Variants in ARB2A observed in about 807,000 individuals in gnomAD.
The protein encoded by ARB2A is ARB2 cotranscriptional regulator A.
chr5:94,039,567 TGGGCA>T, the ARB2A span, among the ~76,000 whole-genome samples: 1 of 152,174 alleles, frequency 6.6e-6, no homozygotes, highest in Non-Finnish European at 1.5e-5. Flanking sequence ...ACCATAAAAA[TGGGCA>T]ACCAGCAGCC....
the ARB2A span, chr5:93,958,985 T>A: frequency 4.7e-6 from 7 of 1,500,590 alleles, no homozygotes; most frequent in Non-Finnish European, 6.3e-6. Context: ...TTAAATAAAA[T>A]TAAATAATAA....
the ARB2A span, among the ~76,000 whole-genome samples, chr5:93,761,323 C>G: frequency 6.6e-6 from 1 of 152,160 alleles, no homozygotes; most frequent in African/African-American, 2.4e-5. Context: ...AAAGGGGTGA[C>G]AGACGGCACC....
At chr5:93,753,647 C>T in the ARB2A span, among the ~76,000 whole-genome samples, 2 of 152,116 alleles carry the variant, frequency 1.3e-5, no homozygotes, top group African/African-American at 2.4e-5. Flanking sequence ...CTTTTCCTTT[C>T]TTCTTTTTAA....
chr5:94,100,002 C>G, the ARB2A span, among the ~76,000 whole-genome samples: 1 of 152,128 alleles, frequency 6.6e-6, no homozygotes, highest in Non-Finnish European at 1.5e-5. Context: ...GTCAAATTAC[C>G]TATTTGCAGA....
At chr5:94,084,609 T>C in the ARB2A span, among the ~76,000 whole-genome samples, 1 of 152,126 alleles carries the variant, frequency 6.6e-6, no homozygotes, top group East Asian at 1.9e-4. Context: ...AAGAATGTGA[T>C]AGGAAGAATT....
chr5:94,111,025 T>C, the ARB2A span, among the ~76,000 whole-genome samples: 1 of 152,240 alleles, frequency 6.6e-6, no homozygotes, highest in South Asian at 2.1e-4. Context: ...TAATTCATAC[T>C]GCATCCCAGA....
the ARB2A span, among the ~76,000 whole-genome samples, chr5:93,774,378 GC>G: frequency 7.9e-5 from 12 of 152,344 alleles, no homozygotes; most frequent in South Asian, 1.7e-3. Context: ...CGTGTCAAAA[GC>G]CAAGATGGGC....
chr5:94,054,338 G>A, the ARB2A span, among the ~76,000 whole-genome samples: 3 of 152,102 alleles, frequency 2.0e-5, no homozygotes. Context: ...CCCAGTCTCT[G>A]TGGTCTGTGA....
the ARB2A span, among the ~76,000 whole-genome samples, chr5:94,026,634 T>C: frequency 1.3e-5 from 2 of 152,106 alleles, no homozygotes; most frequent in Non-Finnish European, 2.9e-5. Context: ...AGTAGGTATA[T>C]GTAAAATAGG....
At chr5:94,084,769 G>C in the ARB2A span, among the ~76,000 whole-genome samples, 1 of 152,038 alleles carries the variant, frequency 6.6e-6, no homozygotes, top group East Asian at 1.9e-4. Context: ...GGGGAAAACA[G>C]GGATTTTTTT....
chr5:93,948,382 T>G, the ARB2A span, among the ~76,000 whole-genome samples: 2 of 152,246 alleles, frequency 1.3e-5, no homozygotes, highest in Non-Finnish European at 2.9e-5. Context: ...TAAATTTGTT[T>G]GAGTTCACTG....
chr5:93,859,769 T>C, the ARB2A span, among the ~76,000 whole-genome samples: 2 of 152,180 alleles, frequency 1.3e-5, no homozygotes, highest in African/African-American at 4.8e-5. Context: ...GATACCATAT[T>C]ATAGTATCCA....
the ARB2A span, among the ~76,000 whole-genome samples, chr5:94,028,080 AAC>A: frequency 6.6e-6 from 1 of 152,192 alleles, no homozygotes; most frequent in Non-Finnish European, 1.5e-5. Flanking sequence ...GCAAAGAAAA[AAC>A]AGTTTGAGGT....
chr5:93,886,960 A>T, the ARB2A span, among the ~76,000 whole-genome samples: 1 of 151,924 alleles, frequency 6.6e-6, no homozygotes, highest in East Asian at 1.9e-4. Context: ...TCCAACTTCA[A>T]ATAAAGTTTC....
the ARB2A span, among the ~76,000 whole-genome samples, chr5:93,797,977 C>T: frequency 6.6e-6 from 1 of 151,938 alleles, no homozygotes; most frequent in Non-Finnish European, 1.5e-5. Flanking sequence ...GAGTGAATGA[C>T]ATTTGAGAGA....
the ARB2A span, among the ~76,000 whole-genome samples, chr5:93,899,699 A>G: frequency 2.0e-5 from 3 of 152,184 alleles, no homozygotes; most frequent in Admixed American, 1.3e-4. Flanking sequence ...CTATGTCCCT[A>G]TTGATGGGTG....
At chr5:93,756,999 A>C in the ARB2A span, among the ~76,000 whole-genome samples, 4 of 152,182 alleles carry the variant, frequency 2.6e-5, no homozygotes, top group Admixed American at 2.6e-4. Context: ...GAAGGGAGAA[A>C]TATTCAGAAA....
chr5:93,908,792 T>C, the ARB2A span, among the ~76,000 whole-genome samples: 31 of 150,960 alleles, frequency 2.1e-4, no homozygotes, highest in Non-Finnish European at 4.3e-4. Context: ...AGTAGGAGAA[T>C]TCTAATGAAT....
At chr5:94,087,277 G>A in the ARB2A span, among the ~76,000 whole-genome samples, 35 of 152,226 alleles carry the variant, frequency 2.3e-4, no homozygotes, top group African/African-American at 6.0e-4. Context: ...GCATGGTGAC[G>A]CGCTTTGTAA....
Sources: allele counts gnomAD v4.1 joint callset (sites outside exome capture counted in the v4.1 genomes callset), GRCh38; gene constraint gnomAD v4.1.1; transcripts MANE v1.5; gene names NCBI Gene and HGNC (gene_info 2026-07-23, HGNC 2026-07-21).